Variants in FRA10AC1 observed in about 807,000 individuals in gnomAD.
The protein encoded by FRA10AC1 is FRA10A associated CGG repeat 1, also known as protein FRA10AC1.
FRA10AC1 carries 43 observed loss-of-function variants against 56.5 expected under a neutral mutation model. The ratio of observed to expected loss-of-function variants is 0.76; its 90% CI spans 0.60 to 0.98. FRA10AC1 has a LOEUF of 0.98. Ranked by LOEUF, FRA10AC1 falls within the 50% of genes least tolerant of loss-of-function variation. FRA10AC1 has a pLI of 0.00. For synonymous variants in FRA10AC1, 112 were observed against 110.5 expected (o/e 1.01, Z -0.09); for missense variants, 346 against 351.8 (o/e 0.98, Z 0.13).
At chr10:93,676,138 T>C (rs2058836151) in intron 12 of FRA10AC1, among the ~76,000 whole-genome samples, 1 of 152,242 alleles carries the variant, frequency 6.6e-6, no homozygotes, top group Non-Finnish European at 1.5e-5. Context: ...ATTTCACCTG[T>C]AGTTTTACAT....
Position 93,694,850 on chromosome 10 carries a change from C to T in FRA10AC1, c.296+11G>A, listed in dbSNP as rs766422463. 1.3e-6 allele frequency: 2 copies of T among 1,527,758 alleles called. No individual in the cohort carries two copies. The highest frequency in any genetic ancestry group is 2.7e-5 in the African/African-American group (2 of 73,236). 94.6% of individuals were successfully genotyped at this position (1,527,758 alleles called of 1,614,324 possible). On this transcript the variant is annotated intron_variant, in intron 5 of 13. Coordinates refer to ENST00000359204, the MANE Select transcript of FRA10AC1 (RefSeq NM_145246.5). ...CCACATTCCCTTCTATGTAAACTTC[C>T]TGATACTTACCCCAAACGCTTGAAG...
intron 12 of FRA10AC1, among the ~76,000 whole-genome samples, 155 bp downstream of exon 12, chr10:93,676,498 C>T (rs942794027): frequency 2.6e-5 from 4 of 152,108 alleles, no homozygotes; most frequent in African/African-American, 9.7e-5. Context: ...AAATCCTATA[C>T]ACTTTTGGCC....
At chr10:93,671,118 T>C in intron 12 of FRA10AC1, 1 of 339,554 alleles carries the variant, frequency 2.9e-6, no homozygotes, top group Non-Finnish European at 5.5e-6. Context: ...GCAATTCCAA[T>C]ATTAACTCTT....
At chr10:93,670,880 C>T in intron 12 of FRA10AC1, 32 bp from the exon 13 acceptor site, 1 of 1,404,278 alleles carries the variant, frequency 7.1e-7, no homozygotes, top group Non-Finnish European at 1.0e-6. Flanking sequence ...TTTTTAAAAA[C>T]CTATTATACT....
At chr10:93,701,977 C>G (rs1407463310) in intron 1 of FRA10AC1, among the ~76,000 whole-genome samples, 1 of 152,076 alleles carries the variant, frequency 6.6e-6, no homozygotes, top group Non-Finnish European at 1.5e-5. Flanking sequence ...AAAAGAGTTG[C>G]CTCATCTAAA....
chr10:93,692,862 T>C, intron 5 of FRA10AC1, 133 bp from the exon 6 acceptor site: 1 of 509,100 alleles, frequency 2.0e-6, no homozygotes, highest in Non-Finnish European at 3.4e-6. Flanking sequence ...AGTATAAATT[T>C]GTTCACATAT....
intron 12 of FRA10AC1, chr10:93,675,289 T>G (rs1262422288): frequency 6.6e-6 from 1 of 152,198 alleles, no homozygotes; most frequent in Non-Finnish European, 1.5e-5. Context: ...TTATACTAAA[T>G]GCAAATAATG....
chr10:93,673,766 T>C (rs1203348434), intron 12 of FRA10AC1: 2 of 452,364 alleles, frequency 4.4e-6, no homozygotes, highest in Non-Finnish European at 8.9e-6. Context: ...TTTACATGTA[T>C]GTTTTCTCAT....
chr10:93,678,342 TTCTC>T (rs944442595), intron 11 of FRA10AC1, among the ~76,000 whole-genome samples: 4 of 152,358 alleles, frequency 2.6e-5, no homozygotes, highest in African/African-American at 9.6e-5. Context: ...TTCTTATTTT[TTCTC>T]TCTATCCATT....
chr10:93,676,251 C>G (rs902417389), intron 12 of FRA10AC1, among the ~76,000 whole-genome samples: 1 of 151,888 alleles, frequency 6.6e-6, no homozygotes, highest in African/African-American at 2.4e-5. Flanking sequence ...TGGAATATTG[C>G]AGGGAAAAAA....
intron 8 of FRA10AC1, among the ~76,000 whole-genome samples, chr10:93,686,018 G>T (rs2059021089): frequency 6.6e-6 from 1 of 151,434 alleles, no homozygotes; most frequent in African/African-American, 2.4e-5. Flanking sequence ...TCCAAAAAAA[G>T]ACTAACTGAT....
chr10:93,676,553 CA>C (rs934886835), intron 12 of FRA10AC1, 99 bp downstream of exon 12: 9 of 1,396,022 alleles, frequency 6.4e-6, no homozygotes, highest in Non-Finnish European at 8.4e-6. Context: ...TTAACAAAAA[CA>C]AAAAATAATT....
chr10:93,676,398 G>C (rs2058840197), intron 12 of FRA10AC1, among the ~76,000 whole-genome samples: 1 of 152,050 alleles, frequency 6.6e-6, no homozygotes, highest in South Asian at 2.1e-4. Flanking sequence ...ACATGAAATT[G>C]AAAGATATAT....
chr10:93,698,854 T>C (rs2059280575), intron 2 of FRA10AC1, among the ~76,000 whole-genome samples: 1 of 152,200 alleles, frequency 6.6e-6, no homozygotes. Flanking sequence ...TGGCCCAGGA[T>C]GGCTTTGAAT....
intron 4 of FRA10AC1, among the ~76,000 whole-genome samples, chr10:93,696,794 G>A (rs2059241297): frequency 6.6e-6 from 1 of 152,198 alleles, no homozygotes; most frequent in Admixed American, 6.5e-5. Flanking sequence ...ATGAGATCAT[G>A]TCCTTTGCAG....
intron 1 of FRA10AC1, 79 bp downstream of exon 1, chr10:93,702,296 T>C (rs1036491632): frequency 6.7e-6 from 1 of 149,260 alleles, no homozygotes; most frequent in African/African-American, 2.5e-5. Context: ...AACCCGACGA[T>C]CAGCTAGTAC....
At chr10:93,678,853 C>CA (rs34627615) in intron 11 of FRA10AC1, among the ~76,000 whole-genome samples, 78,753 of 133,806 alleles carry the variant, frequency 0.59, 21,960 homozygotes, top group Non-Finnish European at 0.67. Flanking sequence ...CCCTGTCTTA[C>CA]AAAAAAAAAA....
rs1320310422 is a variant in FRA10AC1, at chr10:93,702,519, A to ACCGCCGCCGCCG, written c.-146_-145insCGGCGGCGGCGG. Reference sequence around the variant, plus strand: ...CCTGCCGCACAGCCTCGCCACAACCACCACCGCCGCCGCCGCCGCCGCCGC... The same window carrying ACCGCCGCCGCCG: ...CCTGCCGCACAGCCTCGCCACAACCACCGCCGCCGCCGCCACCGCCGCCGCCGCCGCCGCCGC... On this transcript the variant is annotated 5_prime_UTR_variant, in exon 1 of 14. Coordinates refer to ENST00000359204, the MANE Select transcript of FRA10AC1 (RefSeq NM_145246.5). 1.6e-4 allele frequency: 25 copies of ACCGCCGCCGCCG among 159,634 alleles called. 1 individual carries two copies. The highest frequency in any genetic ancestry group is 8.6e-4 in the South Asian group (14 of 16,312). The allele number at this position is 159,634 out of a possible 1,614,324, so 9.9% of individuals were successfully genotyped here.
intron 6 of FRA10AC1, among the ~76,000 whole-genome samples, chr10:93,692,423 TA>T (rs1225254317): frequency 6.6e-6 from 1 of 152,174 alleles, no homozygotes; most frequent in Non-Finnish European, 1.5e-5. Flanking sequence ...CACAATACTG[TA>T]AAAAAGAATG....
Sources: gnomAD v4.1 joint callset for allele counts (sites outside exome capture counted in the v4.1 genomes callset) on GRCh38, gnomAD v4.1.1 for gene constraint, MANE v1.5 for transcripts, NCBI Gene and HGNC (gene_info 2026-07-23, HGNC 2026-07-21) for gene names.